The following HAS2 variants were observed in gnomAD, a reference collection of about 807,000 sequenced individuals.
HAS2 encodes HA synthase 2.
Under a neutral mutation model 51.6 loss-of-function variants are expected in HAS2, and 16 were observed. The ratio of observed to expected loss-of-function variants is 0.31; its 90% CI spans 0.21 to 0.47. The LOEUF is 0.47. HAS2 is among the 20% of genes least tolerant of loss of function. HAS2 has a pLI of 1.00. For missense variants in HAS2, 361 were observed against 662.6 expected (o/e 0.54, Z 5.00); for synonymous variants, 228 against 235.5 (o/e 0.97, Z 0.29).
chr8:121,617,011 T>G (rs530092650), intron 3 of HAS2, 94 bp downstream of exon 3: 1 of 732,814 alleles, frequency 1.4e-6, no homozygotes, highest in African/African-American at 1.7e-5. Context: ...ACAGAGTTAG[T>G]GTTTAATAAA....
At position 121,629,316 on chromosome 8, in the gene HAS2, T is replaced by C. The variant is rs753082198; in HGVS notation, c.25A>G (p.Ile9Val). 4.3e-6 allele frequency: 7 copies of C among 1,610,766 alleles called. No individual in the cohort carries two copies. The highest frequency in any genetic ancestry group is 2.7e-5 in the African/African-American group (2 of 74,884). The change falls in exon 2 of 4, where the codon ATC becomes GTC. Residue 9 changes from isoleucine to valine, a missense_variant. Physicochemically the swap from Ile to Val is conservative, Grantham distance 29. Transcript: ENST00000303924. MHCERFLC[I>V]LRIIGTTLFG... Reference sequence around the variant, plus strand: ...AGTGTGGTTCCAATTATTCTCAGGATACATAGAAACCTCTCACAATGCATC... The same window carrying C: ...AGTGTGGTTCCAATTATTCTCAGGACACATAGAAACCTCTCACAATGCATC...
At position 121,629,098 on chromosome 8, in the gene HAS2, C is replaced by T. The variant is rs1165033878; in HGVS notation, c.243G>A (p.Leu81=). ...MKKSLETPIK[L]NKTVALCIAA... is the part of the protein sequence containing the mutation. ...CGATGCAAAGGGCAACTGTTTTGTT[C>T]AACTTTATGGGGGTTTCTAGGGATT... Residue 81 remains leucine, a synonymous_variant, in exon 2 of 4, where the codon TTG becomes TTA. Transcript: ENST00000303924. 3.7e-6 allele frequency: 6 copies of T among 1,613,920 alleles called. No homozygotes were observed. In the East Asian group the frequency reaches 1.3e-4, roughly 36 times the overall value.
chr8:121,617,096 G>A lies in HAS2; in HGVS notation c.729+9C>T. Reference sequence around the variant, plus strand: ...GCAAAACAAACAAACAAAAAGTGAAGCCATGTACCTGGACATCTCCCCCAA... The same window carrying A: ...GCAAAACAAACAAACAAAAAGTGAAACCATGTACCTGGACATCTCCCCCAA... On this transcript the variant is annotated intron_variant, in intron 3 of 3. Transcript: ENST00000303924. 4 of 1,472,430 alleles carry A rather than the reference G, an allele frequency of 2.7e-6. No homozygotes were observed. Among genetic ancestry groups the A allele is most frequent in the Non-Finnish European group, 2.8e-6 (3 of 1,054,774 alleles). The allele number at this position is 1,472,430 out of a possible 1,614,324, so 91.2% of individuals were successfully genotyped here.
At chr8:121,620,129 A>G (rs1812754808) in intron 2 of HAS2, among the ~76,000 whole-genome samples, 1 of 152,148 alleles carries the variant, frequency 6.6e-6, no homozygotes, top group Non-Finnish European at 1.5e-5. Flanking sequence ...GTTTATTACC[A>G]TGGGATTTAA....
chr8:121,613,998 C>A lies in HAS2; in HGVS notation c.*111G>T. On this transcript the variant is annotated 3_prime_UTR_variant, in exon 4 of 4. Transcript: ENST00000303924. ...CATATAAATGTCTTTGTTCAAGTCCCAGCAGCAGTGATATGTCTCCTTTGG... is the reference window on the plus strand; with the variant it reads ...CATATAAATGTCTTTGTTCAAGTCCAAGCAGCAGTGATATGTCTCCTTTGG... The A allele has an allele frequency of 6.4e-7, 1 of 1,557,112 alleles. No individual in the cohort carries two copies.
chr8:121,634,249 A>T (rs1257088499), intron 1 of HAS2, among the ~76,000 whole-genome samples: 2 of 151,972 alleles, frequency 1.3e-5, no homozygotes, highest in Non-Finnish European at 2.9e-5. Flanking sequence ...GGCCAGAGTT[A>T]CCCTAGTTTT....
intron 1 of HAS2, among the ~76,000 whole-genome samples, chr8:121,636,280 G>C (rs559028466): frequency 1.3e-5 from 2 of 152,230 alleles, no homozygotes; most frequent in South Asian, 4.1e-4. Context: ...TCCCTACGTA[G>C]AAATCTGAGA....
chr8:121,640,458 G>T (rs1212685880), intron 1 of HAS2, among the ~76,000 whole-genome samples: 1 of 145,748 alleles, frequency 6.9e-6, no homozygotes, highest in African/African-American at 2.5e-5. Flanking sequence ...AAAAAAAGAA[G>T]GGAAGGGGTG....
In HAS2 at chr8:121,628,079, G is replaced by A. The variant is rs28587211; in HGVS notation, c.627+635C>T. On this transcript the variant is annotated intron_variant, in intron 2 of 3. Coordinates refer to ENST00000303924, the MANE Select transcript of HAS2 (RefSeq NM_005328.3). ...CATGCAGGCAAACACCATCACAAAT[G>A]CTTTCAAAGGTCAAGTTGCAGTGAG... Among the ~76,000 whole-genome samples, 1,230 of 152,262 alleles carry A rather than the reference G, an allele frequency of 8.1e-3. 20 individuals carry two copies. The highest frequency in any genetic ancestry group is 0.028 in the African/African-American group (1,158 of 41,552).
At chr8:121,628,514 CATAG>C (rs1355969801) in intron 2 of HAS2, among the ~76,000 whole-genome samples, 196 bp downstream of exon 2, 2 of 152,146 alleles carry the variant, frequency 1.3e-5, no homozygotes, top group African/African-American at 4.8e-5. Flanking sequence ...TAAGCATGTT[CATAG>C]ATAGTCTCAA....
chr8:121,631,581 G>A (rs1453399323), intron 1 of HAS2, among the ~76,000 whole-genome samples: 1 of 152,216 alleles, frequency 6.6e-6, no homozygotes, highest in African/African-American at 2.4e-5. Flanking sequence ...GCAGGAGTCT[G>A]ATAAATGTAA....
intron 2 of HAS2, among the ~76,000 whole-genome samples, chr8:121,627,638 T>C (rs1274018057): frequency 6.6e-6 from 1 of 152,092 alleles, no homozygotes; most frequent in East Asian, 1.9e-4. Context: ...CTCAGAGAGG[T>C]GGTCTTGCCC....
chr8:121,635,378 CA>C (rs1468550149), intron 1 of HAS2, among the ~76,000 whole-genome samples: 6 of 152,134 alleles, frequency 3.9e-5, no homozygotes, highest in African/African-American at 1.4e-4. Context: ...AAATTATCAA[CA>C]ATTAGATCTT....
Position 121,615,009 on chromosome 8 carries a change from T to A in HAS2, c.759A>T (p.Ser253=). The change falls in exon 4 of 4, where the codon TCA becomes TCT. Residue 253 remains serine (S), a synonymous_variant. Coordinates refer to ENST00000303924, the MANE Select transcript of HAS2 (RefSeq NM_005328.3). The part of the protein sequence containing the change: ...QILNKYDSWI[S]FLSSVRYWMA... ...TCCAATATCTTACACTGCTGAGGAA[T>A]GAGATCCAGGAATCGTACTTGTTTA... is the stretch of plus-strand genomic sequence containing the variant. 1 of 1,606,690 alleles carries A rather than the reference T, an allele frequency of 6.2e-7. No individual in the cohort carries two copies. The highest frequency in any genetic ancestry group is 1.1e-5 in the South Asian group (1 of 90,074).
intron 1 of HAS2, among the ~76,000 whole-genome samples, chr8:121,631,340 G>A (rs537839867): frequency 1.3e-5 from 2 of 152,266 alleles, no homozygotes; most frequent in African/African-American, 4.8e-5. Context: ...ATTCTAGCTT[G>A]CGGACGTCTC....
At chr8:121,628,112 A>G (rs1812878073) in intron 2 of HAS2, among the ~76,000 whole-genome samples, 1 of 152,176 alleles carries the variant, frequency 6.6e-6, no homozygotes, top group African/African-American at 2.4e-5. Flanking sequence ...GAGTGAGGTA[A>G]TGCTGTTTGG....
chr8:121,631,607 A>G (rs1812930040), intron 1 of HAS2, among the ~76,000 whole-genome samples: 1 of 152,226 alleles, frequency 6.6e-6, no homozygotes, highest in African/African-American at 2.4e-5. Flanking sequence ...ACCCAAGTGG[A>G]AAGTTTAGAC....
intron 1 of HAS2, among the ~76,000 whole-genome samples, chr8:121,630,724 A>C (rs1256943890): frequency 6.6e-6 from 1 of 152,172 alleles, no homozygotes; most frequent in Non-Finnish European, 1.5e-5. Context: ...TTACCTTTGC[A>C]AAATCTTTTG....
chr8:121,633,152 T>TTTC (rs1812957169), intron 1 of HAS2, among the ~76,000 whole-genome samples: 1 of 150,678 alleles, frequency 6.6e-6, no homozygotes, highest in Non-Finnish European at 1.5e-5. Flanking sequence ...TTTTTTTTTT[T>TTTC]TTTGAGATGG....
Sources: gnomAD v4.1 joint callset for allele counts (sites outside exome capture counted in the v4.1 genomes callset) on GRCh38, gnomAD v4.1.1 for gene constraint, MANE v1.5 for transcripts, NCBI Gene and HGNC (gene_info 2026-07-23, HGNC 2026-07-21) for gene names.